Variants in ZCCHC7 observed in about 807,000 individuals in gnomAD.
The protein encoded by ZCCHC7 is zinc finger CCHC domain-containing protein 7.
In ZCCHC7, 35 loss-of-function variants were observed where a neutral mutation model predicts 52.0. The observed-to-expected ratio is 0.67, with a 90% CI of 0.51 to 0.89. The LOEUF is 0.89. ZCCHC7 is among the 40% of genes least tolerant of loss of function. The pLI is 0.00. For missense variants in ZCCHC7, 574 were observed against 649.1 expected, an observed-to-expected ratio of 0.88 and a Z score of 1.26; for synonymous variants, 217 against 221.5, an observed-to-expected ratio of 0.98 and a Z score of 0.18.
chr9:37,136,915 G>A (rs1029984151), intron 2 of ZCCHC7, among the ~76,000 whole-genome samples: 1 of 152,074 alleles, frequency 6.6e-6, no homozygotes, highest in Non-Finnish European at 1.5e-5. Flanking sequence ...ATGAGCCACC[G>A]AGCCTGGCCC....
intron 2 of ZCCHC7, among the ~76,000 whole-genome samples, chr9:37,228,603 A>C (rs976655425): frequency 6.6e-6 from 1 of 151,976 alleles, no homozygotes; most frequent in African/African-American, 2.4e-5. Flanking sequence ...TCTTAAACTC[A>C]AGTGATCCTC....
chr9:37,316,078 T>C (rs1207870521), intron 5 of ZCCHC7, among the ~76,000 whole-genome samples: 1 of 150,936 alleles, frequency 6.6e-6, no homozygotes, highest in Non-Finnish European at 1.5e-5. Context: ...AGAGTCTCAC[T>C]CTGTTGCCAG....
intron 2 of ZCCHC7, among the ~76,000 whole-genome samples, chr9:37,243,496 C>T (rs970388306): frequency 6.6e-6 from 1 of 151,740 alleles, no homozygotes; most frequent in Non-Finnish European, 1.5e-5. Flanking sequence ...ATATTGCTTT[C>T]TCAGTTTTTC....
At chr9:37,296,671 A>G (rs1205504597) in intron 2 of ZCCHC7, among the ~76,000 whole-genome samples, 1 of 151,646 alleles carries the variant, frequency 6.6e-6, no homozygotes, top group Non-Finnish European at 1.5e-5. Flanking sequence ...AACAGTTGCT[A>G]ACAGACCTAC....
In ZCCHC7 at chr9:37,126,959, C is replaced by G. The variant is rs770682813; in HGVS notation, c.610+17C>G. 8.7e-6 allele frequency: 14 copies of G among 1,607,768 alleles called. No individual in the cohort carries two copies. In the South Asian group the frequency reaches 1.5e-4, roughly 18 times the overall value. On this transcript the variant is annotated intron_variant, in intron 2 of 8. Coordinates refer to ENST00000336755, the MANE Select transcript of ZCCHC7 (RefSeq NM_032226.3). ...TTACTGAAGGTTAGTATCATATTGG[C>G]CATTTTGAAAGTAGTATCATCTTTC...
chr9:37,352,243 A>C (rs758816284), intron 7 of ZCCHC7, among the ~76,000 whole-genome samples: 6 of 152,192 alleles, frequency 3.9e-5, no homozygotes, highest in Non-Finnish European at 7.3e-5. Flanking sequence ...CTTCCCTTTC[A>C]ATGTCAGAAA....
chr9:37,236,245 G>C (rs1470071827), intron 2 of ZCCHC7, among the ~76,000 whole-genome samples: 1 of 152,096 alleles, frequency 6.6e-6, no homozygotes, highest in Non-Finnish European at 1.5e-5. Flanking sequence ...ATTCTTATAG[G>C]TGTGAGATGA....
intron 2 of ZCCHC7, among the ~76,000 whole-genome samples, chr9:37,273,610 A>G (rs1164682958): frequency 1.3e-5 from 2 of 152,236 alleles, no homozygotes; most frequent in Non-Finnish European, 2.9e-5. Flanking sequence ...ACTGTACTGG[A>G]CTTGGCAAAG....
chr9:37,327,294 A>G (rs1444557152), intron 5 of ZCCHC7: 1 of 151,336 alleles, frequency 6.6e-6, no homozygotes, highest in African/African-American at 2.4e-5. Context: ...GTTGTTTTTA[A>G]TTCTCTTTCT....
intron 2 of ZCCHC7, among the ~76,000 whole-genome samples, chr9:37,259,850 A>G (rs1251579598): frequency 1.3e-5 from 2 of 152,188 alleles, no homozygotes; most frequent in South Asian, 2.1e-4. Context: ...AGGTATGAAG[A>G]TATGGAAACA....
At chr9:37,283,242 G>A (rs1307143486) in intron 2 of ZCCHC7, among the ~76,000 whole-genome samples, 1 of 152,038 alleles carries the variant, frequency 6.6e-6, no homozygotes, top group Admixed American at 6.5e-5. Flanking sequence ...ATAAAGATAG[G>A]TAGTCAATGT....
At chr9:37,169,822 T>C (rs1428090657) in intron 2 of ZCCHC7, among the ~76,000 whole-genome samples, 1 of 152,128 alleles carries the variant, frequency 6.6e-6, no homozygotes, top group East Asian at 1.9e-4. Context: ...ACCCAGCACA[T>C]TTTGAGGCCA....
At chr9:37,242,265 C>A (rs1588537798) in intron 2 of ZCCHC7, among the ~76,000 whole-genome samples, 1 of 151,736 alleles carries the variant, frequency 6.6e-6, no homozygotes, top group Admixed American at 6.6e-5. Context: ...ATGTCAGATT[C>A]TTTATTGCTT....
chr9:37,171,573 A>C (rs1231901820), intron 2 of ZCCHC7, among the ~76,000 whole-genome samples: 2 of 152,090 alleles, frequency 1.3e-5, no homozygotes, highest in African/African-American at 4.8e-5. Context: ...GCATGCCACC[A>C]TGCCCAGCTA....
chr9:37,262,561 C>T (rs576740628), intron 2 of ZCCHC7, among the ~76,000 whole-genome samples: 22 of 152,246 alleles, frequency 1.4e-4, no homozygotes, highest in Admixed American at 3.9e-4. Context: ...AAGGGATTCG[C>T]GTCTTCACAG....
At chr9:37,156,925 G>C (rs1470025018) in intron 2 of ZCCHC7, among the ~76,000 whole-genome samples, 2 of 152,016 alleles carry the variant, frequency 1.3e-5, no homozygotes, top group Non-Finnish European at 2.9e-5. Context: ...TTAACTTCCT[G>C]ATGCAAGGAG....
chr9:37,285,694 A>T (rs1828174457), intron 2 of ZCCHC7, among the ~76,000 whole-genome samples: 1 of 152,210 alleles, frequency 6.6e-6, no homozygotes, highest in Non-Finnish European at 1.5e-5. Flanking sequence ...TTAACCAGTG[A>T]CTCAGACAGA....
intron 2 of ZCCHC7, among the ~76,000 whole-genome samples, chr9:37,254,467 T>A (rs1312644076): frequency 6.6e-6 from 1 of 151,334 alleles, no homozygotes; most frequent in East Asian, 1.9e-4. Context: ...GATCCCAGAC[T>A]CCCACAAAAA....
At chr9:37,183,471 G>A (rs1181496541) in intron 2 of ZCCHC7, among the ~76,000 whole-genome samples, 1 of 152,182 alleles carries the variant, frequency 6.6e-6, no homozygotes, top group African/African-American at 2.4e-5. Context: ...CACTGTGTGA[G>A]TACATTACTT....
Sources: allele counts gnomAD v4.1 joint callset (sites outside exome capture counted in the v4.1 genomes callset), GRCh38; gene constraint gnomAD v4.1.1; transcripts MANE v1.5; gene names NCBI Gene and HGNC (gene_info 2026-07-23, HGNC 2026-07-21).